ITIH2: variants seen among roughly 807,000 people sequenced by gnomAD.
ITIH2 encodes the protein inter-alpha-trypsin inhibitor heavy chain 2.
ITIH2 carries 103 observed loss-of-function variants against 104.4 expected under a neutral mutation model. The ratio of observed to expected loss-of-function variants is 0.99; its 90% CI spans 0.84 to 1.16. ITIH2 has a LOEUF of 1.16. ITIH2 is among the 50% of genes most tolerant of loss of function. The pLI, the probability that ITIH2 is intolerant of heterozygous loss-of-function variation, is 0.00. For missense variants in ITIH2, 1,108 were observed against 1,162.4 expected, an observed-to-expected ratio of 0.95 and a Z score of 0.68; for synonymous variants, 436 against 435.4, an observed-to-expected ratio of 1.00 and a Z score of -0.02.
chr10:7,749,405 G>A lies in ITIH2; in HGVS notation c.*71G>A, dbSNP rs766953397. ...CCTGTCACTTTTGCAGATATTCTTC[G>A]GTTTGAATAATTAAAATGAACCAGA... On this transcript the variant is annotated 3_prime_UTR_variant, in exon 21 of 21. Transcript: ENST00000358415. 5.8e-4 allele frequency: 754 copies of A among 1,310,830 alleles called. 1 individual carries two copies. The highest frequency in any genetic ancestry group is 7.0e-4 in the Non-Finnish European group (663 of 941,664). The allele number at this position is 1,310,830 out of a possible 1,614,324, so 81.2% of individuals were successfully genotyped here. A position where few individuals can be genotyped will look rare whatever the true frequency, so the allele number is the denominator to read the frequency against.
intron 2 of ITIH2, among the ~76,000 whole-genome samples, chr10:7,706,655 T>C (rs1344974925): frequency 6.6e-6 from 1 of 152,158 alleles, no homozygotes; most frequent in Non-Finnish European, 1.5e-5. Context: ...CAGGAAGGAA[T>C]ATGCTGCTGC....
In ITIH2 at chr10:7,730,121, T is replaced by C; in HGVS notation, c.1449T>C (p.Ser483=). 1.9e-6 allele frequency: 3 copies of C among 1,597,674 alleles called. No homozygotes were observed. The highest frequency in any genetic ancestry group is 2.6e-6 in the Non-Finnish European group (3 of 1,174,412). The change falls in exon 12 of 21, where the codon TCT becomes TCC. Residue 483 remains serine, a synonymous_variant. Transcript: ENST00000358415. The stretch of plus-strand genomic sequence containing the variant: ...GGATTTATGGAAACCAGGACACGTC[T>C]TCCCAGCTTAAGGTAACATTTTCTT... The part of the protein sequence containing the change: ...AQRIYGNQDT[S]SQLKKFYNQV...
At position 7,721,654 on chromosome 10, in the gene ITIH2, C is replaced by A. The variant is rs775362609; in HGVS notation, c.744C>A (p.His248Gln). The A allele has an allele frequency of 1.2e-6, 2 of 1,613,386 alleles. No homozygotes were observed. The highest frequency in any genetic ancestry group is 4.5e-5 in the East Asian group (2 of 44,866). ...GATGTCACCGTTCTTTCTAGGCGCA[C>A]GTCTCCTTCAAGCCCACGGTAGCAC... ...PVISKGQQKA[H>Q]VSFKPTVAQQ... Residue 248 changes from histidine to glutamine, a missense_variant, in exon 8 of 21, where the codon CAC becomes CAA. Coordinates refer to ENST00000358415, the MANE Select transcript of ITIH2 (RefSeq NM_002216.3).
chr10:7,743,171 T>C lies in ITIH2; in HGVS notation c.2121T>C (p.Ile707=). 2 of 1,574,008 alleles carry C rather than the reference T, an allele frequency of 1.3e-6. No individual in the cohort carries two copies. Among genetic ancestry groups the C allele is most frequent in the South Asian group, 2.4e-5 (2 of 84,198 alleles). ...TTGAAAATGACCCACATTTCATCAT[T>C]TATCTACCAAAAAGCCAAAAGAACA... ...MRVENDPHFI[I]YLPKSQKNIC... Residue 707 remains isoleucine, a synonymous_variant, in exon 17 of 21, where the codon ATT becomes ATC. Transcript: ENST00000358415.
chr10:7,730,938 G>A (rs770876443), intron 12 of ITIH2, among the ~76,000 whole-genome samples: 2 of 152,086 alleles, frequency 1.3e-5, no homozygotes, highest in African/African-American at 2.4e-5. Context: ...ACGTTCAATG[G>A]CAGTGCAATG....
At chr10:7,745,049 C>A in intron 19 of ITIH2, 86 bp downstream of exon 19, 1 of 1,224,712 alleles carries the variant, frequency 8.2e-7, no homozygotes, top group Non-Finnish European at 1.2e-6. Context: ...AAGTTGAGGA[C>A]ATGGCAGGTG....
At chr10:7,737,844 T>TTC (rs1491459745) in intron 15 of ITIH2, among the ~76,000 whole-genome samples, 7 of 24,410 alleles carry the variant, frequency 2.9e-4, no homozygotes, top group African/African-American at 7.5e-4. Context: ...ATTCTATATA[T>TTC]TATATATTAT....
chr10:7,744,324 G>A (rs371931620), intron 18 of ITIH2, 44 bp downstream of exon 18: 28 of 1,435,738 alleles, frequency 2.0e-5, no homozygotes, highest in African/African-American at 2.8e-5. Flanking sequence ...CGTGACACAC[G>A]ACTGCATAAA....
Position 7,720,874 on chromosome 10 carries a change from G to C in ITIH2, c.649G>C (p.Glu217Gln). 6.2e-7 allele frequency: 1 copy of C among 1,611,054 alleles called. No homozygotes were observed. Among genetic ancestry groups the C allele is most frequent in the Non-Finnish European group, 8.5e-7 (1 of 1,177,246 alleles). Residue 217 changes from glutamate (E) to glutamine (Q), a missense_variant, in exon 7 of 21, where the codon GAA becomes CAA. By Grantham distance (29) the Glu-to-Gln change is conservative (BLOSUM62 2). Coordinates refer to ENST00000358415, the MANE Select transcript of ITIH2 (RefSeq NM_002216.3). ...KHLEVDVWVI[E>Q]PQGLRFLHVP... The stretch of plus-strand genomic sequence containing the variant: ...TCTCTAGGTAGATGTGTGGGTTATC[G>C]AACCACAGGGACTGAGATTTCTTCA...
intron 20 of ITIH2, among the ~76,000 whole-genome samples, chr10:7,748,521 CTTTTTTTTTTTTTTTTTTTTT>C (rs549517172): frequency 9.6e-4 from 26 of 27,132 alleles, no homozygotes; most frequent in Non-Finnish European, 1.4e-3. Context: ...CCAATGCATT[CTTTTTTTTTTTTTTTTTTTTT>C]TTTTTTTTTT....
At chr10:7,722,778 C>A (rs1447633334) in intron 8 of ITIH2, among the ~76,000 whole-genome samples, 1 of 152,226 alleles carries the variant, frequency 6.6e-6, no homozygotes, top group Non-Finnish European at 1.5e-5. Context: ...GCACACGGGG[C>A]TCTTGCCGAG....
At chr10:7,713,452 T>G (rs1404742251) in intron 5 of ITIH2, 167 bp downstream of exon 5, 1 of 588,362 alleles carries the variant, frequency 1.7e-6, no homozygotes, top group Admixed American at 3.0e-5. Flanking sequence ...TCTATTCGCC[T>G]AAAGGTCCCT....
chr10:7,741,708 C>A (rs1467226770), intron 16 of ITIH2, among the ~76,000 whole-genome samples: 1 of 147,986 alleles, frequency 6.8e-6, no homozygotes, highest in Non-Finnish European at 1.5e-5. Flanking sequence ...TTCTCAGAAA[C>A]CTTTAATAGC....
intron 2 of ITIH2, among the ~76,000 whole-genome samples, chr10:7,706,663 T>A (rs1834750323): frequency 6.6e-6 from 1 of 152,188 alleles, no homozygotes; most frequent in Non-Finnish European, 1.5e-5. Context: ...AATATGCTGC[T>A]GCAAAAACAC....
chr10:7,737,061 T>C (rs1835061806), intron 15 of ITIH2, among the ~76,000 whole-genome samples: 1 of 151,952 alleles, frequency 6.6e-6, no homozygotes, highest in South Asian at 2.1e-4. Context: ...CTCCCAATCA[T>C]TGGAATCAGG....
Position 7,731,973 on chromosome 10 carries a change from G to C in ITIH2, c.1624G>C (p.Glu542Gln). 4.3e-6 allele frequency: 7 copies of C among 1,613,852 alleles called. No individual in the cohort carries two copies. Among genetic ancestry groups the C allele is most frequent in the Non-Finnish European group, 5.9e-6 (7 of 1,179,810 alleles). Residue 542 changes from glutamate (E) to glutamine (Q), a missense_variant, in exon 13 of 21, where the codon GAG becomes CAG. Transcript: ENST00000358415. ...KFDPAKLDQI[E>Q]SVITATSANT... ...TGACCCTGCTAAATTGGATCAAATA[G>C]AGAGCGTTATCACGGCGACTTCGGT...
Position 7,746,675 on chromosome 10 carries a change from A to C in ITIH2, c.2664A>C (p.Glu888Asp). ...CTGAGAAGCCAGAGGCCAGCATGGAAGTGAAGGGGCAGAAGCTGATCATCA... is the reference window on the plus strand; with the variant it reads ...CTGAGAAGCCAGAGGCCAGCATGGACGTGAAGGGGCAGAAGCTGATCATCA... Reference protein sequence around the residue: ...KDPEKPEASMEVKGQKLIITR... With the variant: ...KDPEKPEASMDVKGQKLIITR... The change falls in exon 20 of 21, where the codon GAA (glutamate) becomes GAC (aspartate). Residue 888 changes from glutamate (E) to aspartate (D), a missense_variant. Physicochemically the swap from Glu to Asp is conservative, Grantham distance 45. Transcript: ENST00000358415. 6.2e-7 allele frequency: 1 copy of C among 1,613,402 alleles called. No homozygotes were observed. The highest frequency in any genetic ancestry group is 8.5e-7 in the Non-Finnish European group (1 of 1,179,374).
At position 7,721,783 on chromosome 10, in the gene ITIH2, T is replaced by G; in HGVS notation, c.867+6T>G. The G allele has an allele frequency of 6.2e-7, 1 of 1,613,426 alleles. No homozygotes were observed. The highest frequency in any genetic ancestry group is 8.5e-7 in the Non-Finnish European group (1 of 1,179,662). On this transcript the variant is annotated splice_donor_region_variant and intron_variant, in intron 8 of 20. Transcript: ENST00000358415. The stretch of plus-strand genomic sequence containing the variant: ...AGAAGGCTGGTGAACTGGAGGTGAG[T>G]GCACACCGGCTCTGGTTCTACTGCC...
chr10:7,748,521 CTTTTTTTTTTTTTTTTTTTTTTTTT>C lies in ITIH2; in HGVS notation c.2694-653_2694-629del, dbSNP rs549517172. Reference sequence around the variant, plus strand: ...AGTTAAGAGGTGCCGCCAATGCATTCTTTTTTTTTTTTTTTTTTTTTTTTTTTTTTTTTTTTTAGTGACAGAGTCT... The same window carrying C: ...AGTTAAGAGGTGCCGCCAATGCATTCTTTTTTTTTTTTAGTGACAGAGTCT... On this transcript the variant is annotated intron_variant, in intron 20 of 20. Transcript: ENST00000358415. Among the ~76,000 whole-genome samples the C allele has an allele frequency of 2.2e-3, 60 of 27,124 alleles. 2 individuals are homozygous for C. The highest frequency in any genetic ancestry group is 8.9e-3 in the African/African-American group (59 of 6,610). 17.8% of individuals were successfully genotyped at this position (27,124 alleles called of 152,430 possible).
Sources: allele counts gnomAD v4.1 joint callset (sites outside exome capture counted in the v4.1 genomes callset), GRCh38; gene constraint gnomAD v4.1.1; transcripts MANE v1.5; gene names NCBI Gene and HGNC (gene_info 2026-07-23, HGNC 2026-07-21).